SIAH3: variants seen among roughly 807,000 people sequenced by gnomAD.
The protein encoded by SIAH3 is seven in absentia homolog 3.
A neutral mutation model predicts 12.6 loss-of-function variants in SIAH3; 9 were observed. The ratio of observed to expected loss-of-function variants is 0.72; its 90% CI spans 0.43 to 1.25. The LOEUF (loss-of-function observed/expected upper bound fraction) is 1.25, where lower values mean the gene tolerates loss of function less well. Among genes scored for constraint, SIAH3 ranks in the 50% most tolerant of loss-of-function variants. The pLI is 0.00. For missense variants in SIAH3, 390 were observed against 365.4 expected (o/e 1.07, Z -0.55); for synonymous variants, 154 against 151.1 (o/e 1.02, Z -0.14).
At chr13:45,833,989 C>A (rs1950709168) in intron 1 of SIAH3, among the ~76,000 whole-genome samples, 1 of 148,516 alleles carries the variant, frequency 6.7e-6, no homozygotes, top group Non-Finnish European at 1.5e-5. Context: ...TTCGCCCAAC[C>A]AATACTGAGG....
chr13:45,807,993 T>A lies in SIAH3; in HGVS notation c.136-23936A>T, dbSNP rs146087606. Among the ~76,000 whole-genome samples the A allele has an allele frequency of 8.5e-3, 1,300 of 152,350 alleles. 22 individuals are homozygous for A. Among genetic ancestry groups the A allele is most frequent in the African/African-American group, 0.03 (1,230 of 41,570 alleles). On this transcript the variant is annotated intron_variant, in intron 1 of 1. Coordinates refer to ENST00000400405, the MANE Select transcript of SIAH3 (RefSeq NM_198849.3). ...TTTGCTATTAAATGTGTTCTTGAGGTTGCTTACATATCTGTAAATCTGTAT... is the reference window on the plus strand; with the variant it reads ...TTTGCTATTAAATGTGTTCTTGAGGATGCTTACATATCTGTAAATCTGTAT...
At chr13:45,791,586 G>C (rs17307541) in intron 1 of SIAH3, among the ~76,000 whole-genome samples, 4,554 of 152,280 alleles carry the variant, frequency 0.03, 118 homozygotes, top group Non-Finnish European at 0.048. Context: ...ACCCAACAGT[G>C]ATGGAACACA....
rs996477765 is a variant in SIAH3, at chr13:45,782,431, A to T, written c.*952T>A. ...GATGAGTCCTGGTTCTGCTTTTTGC[A>T]TGATATGAAAGAACTGCACCCTAGG... On this transcript the variant is annotated 3_prime_UTR_variant, in exon 2 of 2. Coordinates refer to ENST00000400405, the MANE Select transcript of SIAH3 (RefSeq NM_198849.3). 1 of 152,106 alleles carries T rather than the reference A, an allele frequency of 6.6e-6. No homozygotes were observed. Among genetic ancestry groups the T allele is most frequent in the Non-Finnish European group, 1.5e-5 (1 of 68,026 alleles). 9.4% of individuals were successfully genotyped at this position (152,106 alleles called of 1,614,324 possible). A position where few individuals can be genotyped will look rare whatever the true frequency, so the allele number is the denominator to read the frequency against.
intron 1 of SIAH3, among the ~76,000 whole-genome samples, chr13:45,850,867 C>G (rs530801339): frequency 6.6e-6 from 1 of 151,858 alleles, no homozygotes; most frequent in East Asian, 1.9e-4. Context: ...TGCTCCAGTA[C>G]ACAGAGCGCA....
rs940623711 is a variant in SIAH3 at position 45,783,316 on chromosome 13, C to A, written c.*67G>T. 8.5e-6 allele frequency: 11 copies of A among 1,297,662 alleles called. No individual in the cohort carries two copies. The highest frequency in any genetic ancestry group is 1.2e-5 in the Non-Finnish European group (11 of 940,060). The allele number at this position is 1,297,662 out of a possible 1,614,324, so 80.4% of individuals were successfully genotyped here. A position where few individuals can be genotyped will look rare whatever the true frequency, so the allele number is the denominator to read the frequency against. ...AGAAGAATAAAAAGGAGTCTGGAGT[C>A]CTGGTATTGGGAGGTCCCAGGCGTT... On this transcript the variant is annotated 3_prime_UTR_variant, in exon 2 of 2. Transcript: ENST00000400405.
chr13:45,846,992 G>T (rs1366510872), intron 1 of SIAH3, among the ~76,000 whole-genome samples: 1 of 152,206 alleles, frequency 6.6e-6, no homozygotes, highest in Non-Finnish European at 1.5e-5. Context: ...GCTGGAAGAG[G>T]CTGCAAAGCC....
intron 1 of SIAH3, among the ~76,000 whole-genome samples, chr13:45,785,828 C>G (rs913071759): frequency 5.3e-5 from 8 of 152,156 alleles, no homozygotes; most frequent in African/African-American, 1.9e-4. Flanking sequence ...CCACCTGGTT[C>G]CCCTTCCCCA....
intron 1 of SIAH3, among the ~76,000 whole-genome samples, chr13:45,829,718 T>G (rs1443894855): frequency 6.6e-6 from 1 of 152,220 alleles, no homozygotes; most frequent in Non-Finnish European, 1.5e-5. Context: ...TCTATCTCCA[T>G]CAATTAGTTT....
chr13:45,815,773 T>A (rs1950632355), intron 1 of SIAH3, among the ~76,000 whole-genome samples: 1 of 152,176 alleles, frequency 6.6e-6, no homozygotes, highest in Non-Finnish European at 1.5e-5. Flanking sequence ...CAAATTTCAT[T>A]CCTGCCCCAG....
At chr13:45,820,192 A>G (rs879517889) in intron 1 of SIAH3, among the ~76,000 whole-genome samples, 2 of 152,212 alleles carry the variant, frequency 1.3e-5, no homozygotes, top group African/African-American at 2.4e-5. Context: ...AGGAGGGGAC[A>G]CATTCAAACC....
chr13:45,851,719 T>A lies in SIAH3; in HGVS notation c.-90A>T. On this transcript the variant is annotated 5_prime_UTR_variant, in exon 1 of 2. Transcript: ENST00000400405. ...GGAAGGAGCGCAGCCTCTGAGACAC[T>A]CCGCTCCAGCCCGGCTTAGCGCGCC... 6.5e-7 allele frequency: 1 copy of A among 1,541,972 alleles called. No homozygotes were observed. Among genetic ancestry groups the A allele is most frequent in the East Asian group, 2.3e-5 (1 of 44,122 alleles).
Position 45,837,937 on chromosome 13 carries a change from C to A in SIAH3, c.135+13558G>T, listed in dbSNP as rs148489758. Among the ~76,000 whole-genome samples, 779 of 152,224 alleles carry A rather than the reference C, an allele frequency of 5.1e-3. 10 individuals carry two copies. Among genetic ancestry groups the A allele is most frequent in the African/African-American group, 0.018 (754 of 41,534 alleles). On this transcript the variant is annotated intron_variant, in intron 1 of 1. Coordinates refer to ENST00000400405, the MANE Select transcript of SIAH3 (RefSeq NM_198849.3). ...TTCTTTTCTACTAAATTTCTGTCAC[C>A]CATGATAAATGGGTTAAGCTCATAA...
chr13:45,831,784 G>A (rs1950700239), intron 1 of SIAH3, among the ~76,000 whole-genome samples: 1 of 152,208 alleles, frequency 6.6e-6, no homozygotes, highest in Non-Finnish European at 1.5e-5. Context: ...TATTTATTGA[G>A]GGCCTACTAT....
chr13:45,798,673 T>C (rs942454016), intron 1 of SIAH3, among the ~76,000 whole-genome samples: 1 of 152,240 alleles, frequency 6.6e-6, no homozygotes, highest in Non-Finnish European at 1.5e-5. Flanking sequence ...AGTCTAATCA[T>C]GGCTTTGCTC....
chr13:45,804,458 T>C (rs1209032685), intron 1 of SIAH3, among the ~76,000 whole-genome samples: 1 of 152,152 alleles, frequency 6.6e-6, no homozygotes, highest in Non-Finnish European at 1.5e-5. Flanking sequence ...ATGGGATTTC[T>C]TTTGGGGTGT....
At chr13:45,800,751 G>C (rs1165039162) in intron 1 of SIAH3, among the ~76,000 whole-genome samples, 1 of 152,206 alleles carries the variant, frequency 6.6e-6, no homozygotes. Context: ...AAAAGCACTA[G>C]TACAAATGAA....
intron 1 of SIAH3, among the ~76,000 whole-genome samples, chr13:45,835,097 T>C (rs544482451): frequency 6.6e-6 from 1 of 152,260 alleles, no homozygotes; most frequent in South Asian, 2.1e-4. Context: ...GGAAGACTGA[T>C]TCTCTCCCAC....
intron 1 of SIAH3, among the ~76,000 whole-genome samples, chr13:45,816,145 C>T (rs1261911685): frequency 6.6e-6 from 1 of 152,212 alleles, no homozygotes; most frequent in African/African-American, 2.4e-5. Context: ...GCTTCACTGC[C>T]CTGTGAGGCC....
chr13:45,779,358 A>T lies in SIAH3; in HGVS notation c.*4025T>A, dbSNP rs1950495442. ...AAATTCCTGAAAGATTAACAACCAG[A>T]ATACAAGCAGCTCTAGTACTCCACT... On this transcript the variant is annotated 3_prime_UTR_variant, in exon 2 of 2. Coordinates refer to ENST00000400405, the MANE Select transcript of SIAH3 (RefSeq NM_198849.3). 6.6e-6 allele frequency: 1 copy of T among 152,226 alleles called. No homozygotes were observed. Among genetic ancestry groups the T allele is most frequent in the African/African-American group, 2.4e-5 (1 of 41,456 alleles). The allele number at this position is 152,226 out of a possible 1,614,324, so 9.4% of individuals were successfully genotyped here.
Sources: allele counts gnomAD v4.1 joint callset (sites outside exome capture counted in the v4.1 genomes callset), GRCh38; gene constraint gnomAD v4.1.1; transcripts MANE v1.5; gene names NCBI Gene and HGNC (gene_info 2026-07-23, HGNC 2026-07-21).